Variants in RBMS3 observed in about 807,000 individuals in gnomAD.
The protein encoded by RBMS3 is RNA binding motif single stranded interacting protein 3.
RBMS3 carries 27 observed loss-of-function variants against 66.8 expected under a neutral mutation model. That is an observed-to-expected ratio of 0.40 (90% CI 0.30 to 0.56). The LOEUF (loss-of-function observed/expected upper bound fraction) is 0.56. Among genes scored for constraint, RBMS3 ranks in the 20% least tolerant of loss-of-function variants. RBMS3 has a pLI of 0.40. For synonymous variants in RBMS3, 188 were observed against 183.0 expected, an observed-to-expected ratio of 1.03 and a Z score of -0.22; for missense variants, 513 against 549.5, an observed-to-expected ratio of 0.93 and a Z score of 0.66.
At chr3:29,735,792 ATCATCTAT>A (rs2054353969) in intron 4 of RBMS3, among the ~76,000 whole-genome samples, 1 of 152,224 alleles carries the variant, frequency 6.6e-6, no homozygotes, top group Admixed American at 6.5e-5. Context: ...ACATCAGATT[ATCATCTAT>A]TTCTAGCCTG....
At chr3:29,828,770 G>A (rs2058274802) in intron 6 of RBMS3, among the ~76,000 whole-genome samples, 1 of 152,096 alleles carries the variant, frequency 6.6e-6, no homozygotes, top group Non-Finnish European at 1.5e-5. Context: ...TAAAAAAGTA[G>A]TGATTTTTTT....
At chr3:29,306,779 A>G (rs947092945) in intron 1 of RBMS3, among the ~76,000 whole-genome samples, 16 of 151,868 alleles carry the variant, frequency 1.1e-4, no homozygotes, top group African/African-American at 3.4e-4. Flanking sequence ...GACTTTGCTT[A>G]TGTTCTCCCG....
At chr3:29,761,228 CA>C (rs1443733789) in intron 5 of RBMS3, among the ~76,000 whole-genome samples, 1 of 152,064 alleles carries the variant, frequency 6.6e-6, no homozygotes, top group African/African-American at 2.4e-5. Flanking sequence ...AGAGATTTGT[CA>C]TATCCATCGA....
At chr3:29,341,693 C>T (rs2036292080) in intron 1 of RBMS3, among the ~76,000 whole-genome samples, 1 of 152,108 alleles carries the variant, frequency 6.6e-6, no homozygotes, top group Non-Finnish European at 1.5e-5. Context: ...GCTTCTCTTC[C>T]TCTTACTGCT....
At chr3:29,486,241 CT>C (rs771520769) in intron 2 of RBMS3, among the ~76,000 whole-genome samples, 3 of 152,148 alleles carry the variant, frequency 2.0e-5, no homozygotes, top group Non-Finnish European at 4.4e-5. Flanking sequence ...CAGACATGAA[CT>C]GTAACCAGTG....
chr3:29,746,014 A>T (rs2054877346), intron 5 of RBMS3, among the ~76,000 whole-genome samples: 1 of 152,072 alleles, frequency 6.6e-6, no homozygotes. Context: ...TATTATTAAA[A>T]TGTTATTTAT....
At chr3:29,830,449 G>A (rs2058342683) in intron 6 of RBMS3, among the ~76,000 whole-genome samples, 1 of 151,990 alleles carries the variant, frequency 6.6e-6, no homozygotes, top group Non-Finnish European at 1.5e-5. Context: ...GAAGTTGCAG[G>A]GCAGGCTGTT....
At chr3:29,697,365 T>C (rs992706905) in intron 4 of RBMS3, among the ~76,000 whole-genome samples, 2 of 152,240 alleles carry the variant, frequency 1.3e-5, no homozygotes, top group African/African-American at 4.8e-5. Context: ...ATTTATCATT[T>C]TACTTACATG....
At position 29,691,931 on chromosome 3, in the gene RBMS3, T is replaced by TTCTCTC. The variant is rs146758867; in HGVS notation, c.400-47777_400-47772dup. Among the ~76,000 whole-genome samples, 244 of 114,848 alleles carry TTCTCTC rather than the reference T, an allele frequency of 2.1e-3. 1 individual carries two copies. Among genetic ancestry groups the TTCTCTC allele is most frequent in the Middle Eastern group, 5.0e-3 (1 of 202 alleles). The allele number at this position is 114,848 out of a possible 152,430, so 75.3% of individuals were successfully genotyped here. A position where few individuals can be genotyped will look rare whatever the true frequency, so the allele number is the denominator to read the frequency against. On this transcript the variant is annotated intron_variant, in intron 4 of 14. Coordinates refer to ENST00000383767, the MANE Select transcript of RBMS3 (RefSeq NM_001003793.3). ...TATAAATCTTATTTATGTGTGACCC[T>TTCTCTC]TCTCTCTCTCTCTCTCTATTTTTTT... is the stretch of plus-strand genomic sequence containing the variant.
At chr3:29,343,322 T>C (rs1426666865) in intron 1 of RBMS3, among the ~76,000 whole-genome samples, 1 of 152,148 alleles carries the variant, frequency 6.6e-6, no homozygotes, top group Non-Finnish European at 1.5e-5. Context: ...TATTGTGTTT[T>C]CTATTTATCT....
chr3:29,941,367 CAG>C (rs35526512), intron 11 of RBMS3, among the ~76,000 whole-genome samples: 3,679 of 151,802 alleles, frequency 0.024, 126 homozygotes, highest in East Asian at 0.11. Flanking sequence ...AATATTAAGA[CAG>C]AGTTTTAAAA....
In RBMS3 at chr3:29,909,801, A is replaced by C. The variant is rs908373567; in HGVS notation, c.939+10046A>C. ...CGGGGCATGTGTGTGGTATGTGTGC[A>C]TGTGGCCTACCTTTCTGCATGTGGT... On this transcript the variant is annotated intron_variant, in intron 10 of 14. Coordinates refer to ENST00000383767, the MANE Select transcript of RBMS3 (RefSeq NM_001003793.3). 3.9e-5 allele frequency among the ~76,000 whole-genome samples: 6 copies of C among 152,180 alleles called. No homozygotes were observed. In the South Asian group the frequency reaches 6.2e-4, roughly 16 times the overall value.
At chr3:29,613,860 C>T (rs943323811) in intron 4 of RBMS3, among the ~76,000 whole-genome samples, 1 of 151,974 alleles carries the variant, frequency 6.6e-6, no homozygotes, top group Non-Finnish European at 1.5e-5. Flanking sequence ...GAAAAAAGAA[C>T]CCTGTACACT....
chr3:29,551,487 A>C (rs756325081), intron 3 of RBMS3, among the ~76,000 whole-genome samples: 2 of 152,172 alleles, frequency 1.3e-5, no homozygotes, highest in Non-Finnish European at 2.9e-5. Flanking sequence ...AAGTTCTTGG[A>C]AGTTTTGGGT....
intron 13 of RBMS3, among the ~76,000 whole-genome samples, chr3:29,990,204 A>G (rs1410064282): frequency 6.6e-6 from 1 of 152,152 alleles, no homozygotes; most frequent in Non-Finnish European, 1.5e-5. Flanking sequence ...GAAAAGATTG[A>G]ATAGAGAGAC....
chr3:29,971,180 C>G (rs1697205354), intron 12 of RBMS3, among the ~76,000 whole-genome samples: 1 of 152,244 alleles, frequency 6.6e-6, no homozygotes, highest in South Asian at 2.1e-4. Context: ...CTTGTCCACC[C>G]TGGCCCACTA....
intron 4 of RBMS3, among the ~76,000 whole-genome samples, chr3:29,659,463 T>C (rs747868361): frequency 2.6e-5 from 4 of 152,218 alleles, no homozygotes; most frequent in Admixed American, 6.5e-5. Flanking sequence ...TCATACATTA[T>C]ATAAATGGAA....
chr3:29,998,260 A>G (rs1288226666), intron 14 of RBMS3, among the ~76,000 whole-genome samples: 1 of 152,196 alleles, frequency 6.6e-6, no homozygotes, highest in Non-Finnish European at 1.5e-5. Context: ...TCAATGAAAT[A>G]AAAGAGGATA....
At chr3:29,900,141 CTT>C (rs1281791919) in intron 10 of RBMS3, among the ~76,000 whole-genome samples, 1 of 151,754 alleles carries the variant, frequency 6.6e-6, no homozygotes, top group African/African-American at 2.4e-5. Flanking sequence ...CAAGGAAACT[CTT>C]TGTTTCCCTT....
Sources: gnomAD v4.1 joint callset for allele counts (sites outside exome capture counted in the v4.1 genomes callset) on GRCh38, gnomAD v4.1.1 for gene constraint, MANE v1.5 for transcripts, NCBI Gene and HGNC (gene_info 2026-07-23, HGNC 2026-07-21) for gene names.